SGCD: variants seen among roughly 807,000 people sequenced by gnomAD.
SGCD encodes the protein delta-sarcoglycan.
In SGCD, 18 loss-of-function variants were observed where a neutral mutation model predicts 36.6. The observed-to-expected ratio is 0.49, with a 90% confidence interval of 0.34 to 0.73. The LOEUF (loss-of-function observed/expected upper bound fraction) is 0.73, where lower values mean the gene tolerates loss of function less well. Among genes scored for constraint, SGCD ranks in the 30% least tolerant of loss-of-function variants. The pLI is 0.01. For synonymous variants in SGCD, 133 were observed against 130.6 expected, an observed-to-expected ratio of 1.02 and a Z score of -0.12; for missense variants, 387 against 346.7, an observed-to-expected ratio of 1.12 and a Z score of -0.92.
chr5:156,397,855 T>C (rs1455952783), intron 3 of SGCD, among the ~76,000 whole-genome samples: 1 of 152,158 alleles, frequency 6.6e-6, no homozygotes, highest in Non-Finnish European at 1.5e-5. Context: ...GGCACAAATT[T>C]GATGGGTTTC....
chr5:156,217,566 G>A (rs1488360119), intron 3 of SGCD, among the ~76,000 whole-genome samples: 1 of 152,082 alleles, frequency 6.6e-6, no homozygotes, highest in South Asian at 2.1e-4. Context: ...CATTTCAACT[G>A]TACTATTTTT....
At chr5:156,072,585 T>C (rs1313231989) in intron 1 of SGCD, among the ~76,000 whole-genome samples, 1 of 152,124 alleles carries the variant, frequency 6.6e-6, no homozygotes, top group Non-Finnish European at 1.5e-5. Context: ...ATTTCAACTT[T>C]GGTGAATCTG....
chr5:156,525,418 GTTAT>G (rs1348044338), intron 4 of SGCD, among the ~76,000 whole-genome samples: 1 of 151,890 alleles, frequency 6.6e-6, no homozygotes, highest in Non-Finnish European at 1.5e-5. Context: ...TTAAATTTGG[GTTAT>G]TTAGTTTTAT....
At chr5:156,192,822 G>T (rs1436484175) in intron 3 of SGCD, among the ~76,000 whole-genome samples, 3 of 111,138 alleles carry the variant, frequency 2.7e-5, no homozygotes, top group Non-Finnish European at 3.9e-5. Flanking sequence ...CATTCTGCTG[G>T]TTCTGTTAAC....
At chr5:155,751,049 T>C in the SGCD span, among the ~76,000 whole-genome samples, 3 of 152,312 alleles carry the variant, frequency 2.0e-5, no homozygotes, top group East Asian at 5.8e-4. Context: ...TTTGTTTTTG[T>C]TTTAAACAAA....
chr5:156,094,616 A>G (rs1761331723), intron 1 of SGCD, among the ~76,000 whole-genome samples: 1 of 152,190 alleles, frequency 6.6e-6, no homozygotes, highest in African/African-American at 2.4e-5. Flanking sequence ...ACAGTAACAA[A>G]TCATCTTTCT....
chr5:155,765,288 AAGAG>A, the SGCD span, among the ~76,000 whole-genome samples: 5 of 151,426 alleles, frequency 3.3e-5, no homozygotes, highest in African/African-American at 9.7e-5. Context: ...GAAAGAAAGA[AAGAG>A]AAAGAAAGAA....
chr5:156,055,163 C>A (rs1231310613), intron 1 of SGCD, among the ~76,000 whole-genome samples: 1 of 144,984 alleles, frequency 6.9e-6, no homozygotes, highest in Non-Finnish European at 1.6e-5. Context: ...TTTTTTTCCC[C>A]ATAGAAGAAT....
chr5:156,488,788 C>G (rs561045560), intron 3 of SGCD, among the ~76,000 whole-genome samples: 1 of 151,998 alleles, frequency 6.6e-6, no homozygotes. Flanking sequence ...AGAAAACCAC[C>G]AAACTGCAAA....
At chr5:156,622,936 T>G (rs557831202) in intron 6 of SGCD, among the ~76,000 whole-genome samples, 1 of 152,246 alleles carries the variant, frequency 6.6e-6, no homozygotes, top group East Asian at 1.9e-4. Flanking sequence ...AGAGTCCTTC[T>G]TGCTTCTGCT....
intron 3 of SGCD, among the ~76,000 whole-genome samples, chr5:156,257,194 G>A (rs902838607): frequency 3.2e-4 from 34 of 106,706 alleles, no homozygotes; most frequent in African/African-American, 1.2e-3. Context: ...TAAATAAAAG[G>A]CCAGGCGCAG....
At chr5:155,743,964 G>C in the SGCD span, among the ~76,000 whole-genome samples, 1 of 152,110 alleles carries the variant, frequency 6.6e-6, no homozygotes, top group African/African-American at 2.4e-5. Flanking sequence ...GCTTTCTTTG[G>C]CTTCCAACAA....
intron 1 of SGCD, among the ~76,000 whole-genome samples, chr5:155,968,630 G>C (rs1206312162): frequency 1.3e-5 from 2 of 152,044 alleles, no homozygotes; most frequent in African/African-American, 4.8e-5. Context: ...AAATAACATA[G>C]TGTATATAGA....
At chr5:155,962,882 G>T (rs376731110) in intron 1 of SGCD, among the ~76,000 whole-genome samples, 1 of 152,112 alleles carries the variant, frequency 6.6e-6, no homozygotes, top group Admixed American at 6.5e-5. Context: ...CAAAGTAGTC[G>T]CCTTAGCAAT....
intron 4 of SGCD, among the ~76,000 whole-genome samples, chr5:156,525,337 C>A (rs185836007): frequency 3.3e-5 from 5 of 152,006 alleles, no homozygotes; most frequent in Admixed American, 2.0e-4. Flanking sequence ...TGCTGAACAC[C>A]TTTTCATATA....
chr5:156,392,983 C>T lies in SGCD; in HGVS notation c.192+48306C>T, dbSNP rs148376769. Among the ~76,000 whole-genome samples, 27 of 152,208 alleles carry T rather than the reference C, an allele frequency of 1.8e-4. No individual in the cohort carries two copies. The East Asian group carries it at 3.9e-3, about 22-fold the overall frequency. On this transcript the variant is annotated intron_variant, in intron 3 of 8. Coordinates refer to ENST00000337851, the MANE Select transcript of SGCD (RefSeq NM_000337.6). Reference sequence around the variant, plus strand: ...ATGGGGGCGTGGCGGGGAAATTCAACATTTGGGCAGAAAAACAAAAATGCC... The same window carrying T: ...ATGGGGGCGTGGCGGGGAAATTCAATATTTGGGCAGAAAAACAAAAATGCC...
At chr5:156,212,960 T>C (rs890227943) in intron 3 of SGCD, among the ~76,000 whole-genome samples, 9 of 151,984 alleles carry the variant, frequency 5.9e-5, no homozygotes, top group African/African-American at 1.9e-4. Flanking sequence ...AATATAAATA[T>C]ACATTTATCA....
intron 8 of SGCD, 189 bp downstream of exon 8, chr5:156,757,893 TTTC>T (rs1013431318): frequency 2.3e-6 from 3 of 1,315,538 alleles, no homozygotes; most frequent in African/African-American, 3.0e-5. Flanking sequence ...AAAGTGATGA[TTTC>T]TTATTTGTAA....
intron 3 of SGCD, among the ~76,000 whole-genome samples, chr5:156,354,697 G>A (rs1173217752): frequency 2.0e-5 from 3 of 152,172 alleles, no homozygotes; most frequent in Non-Finnish European, 4.4e-5. Context: ...ATGTTGCTGT[G>A]AGCTCTGAAT....
Sources: allele counts gnomAD v4.1 joint callset (sites outside exome capture counted in the v4.1 genomes callset), GRCh38; gene constraint gnomAD v4.1.1; transcripts MANE v1.5; gene names NCBI Gene and HGNC (gene_info 2026-07-23, HGNC 2026-07-21).